TRIM2: variants seen among roughly 807,000 people sequenced by gnomAD.
The protein encoded by TRIM2 is tripartite motif-containing protein 2.
A neutral mutation model predicts 75.2 loss-of-function variants in TRIM2; 20 were observed. That is an observed-to-expected ratio of 0.27 (90% CI 0.19 to 0.39). The LOEUF is 0.39. TRIM2 is among the 10% of genes least tolerant of loss of function. TRIM2 has a pLI of 1.00. For synonymous variants in TRIM2, 373 were observed against 388.3 expected, an observed-to-expected ratio of 0.96 and a Z score of 0.46; for missense variants, 660 against 990.8, an observed-to-expected ratio of 0.67 and a Z score of 4.48.
At chr4:153,206,976 G>GCTCAAGCGATCCTCCAGATC in intron 1 of TRIM2, among the ~76,000 whole-genome samples, 1 of 152,076 alleles carries the variant, frequency 6.6e-6, no homozygotes, top group African/African-American at 2.4e-5. Context: ...GACCCCTTGG[G>GCTCAAGCGATCCTCCAGATC]CTCAAGCGAT....
intron 1 of TRIM2, among the ~76,000 whole-genome samples, chr4:153,256,328 G>A (rs1340270506): frequency 6.6e-6 from 1 of 152,176 alleles, no homozygotes; most frequent in Non-Finnish European, 1.5e-5. Context: ...CAGAGCTGAG[G>A]CCCCTTCAAG....
intron 4 of TRIM2, 29 bp from the exon 5 acceptor site, chr4:153,294,276 A>G (rs750331223): frequency 6.8e-6 from 11 of 1,606,476 alleles, no homozygotes; most frequent in Non-Finnish European, 9.4e-6. Context: ...GTTGAGGTTA[A>G]ATAACGACCT....
chr4:153,284,095 T>G (rs1760030150), intron 3 of TRIM2, among the ~76,000 whole-genome samples: 1 of 151,596 alleles, frequency 6.6e-6, no homozygotes, highest in South Asian at 2.1e-4. Context: ...GCCAGGCAGG[T>G]CTCAAACTCC....
intron 1 of TRIM2, chr4:153,257,643 T>A: frequency 1.6e-6 from 2 of 1,246,548 alleles, no homozygotes; most frequent in South Asian, 2.5e-5. Flanking sequence ...GCATGGTGCT[T>A]CCCAACTTGA....
intron 1 of TRIM2, among the ~76,000 whole-genome samples, chr4:153,259,831 G>A (rs1159742350): frequency 1.3e-5 from 2 of 152,130 alleles, no homozygotes; most frequent in Non-Finnish European, 2.9e-5. Flanking sequence ...CTTTAGATTG[G>A]ACCAGAAAGT....
At chr4:153,229,539 T>C (rs1210129771) in intron 1 of TRIM2, among the ~76,000 whole-genome samples, 1 of 152,236 alleles carries the variant, frequency 6.6e-6, no homozygotes, top group African/African-American at 2.4e-5. Flanking sequence ...ATTACAGGCA[T>C]GAGCCATCGC....
chr4:153,165,832 T>TC (rs1211533780), intron 1 of TRIM2, among the ~76,000 whole-genome samples: 1 of 152,224 alleles, frequency 6.6e-6, no homozygotes, highest in Admixed American at 6.5e-5. Context: ...ATTCTCATAT[T>TC]TCATGGTGAC....
intron 6 of TRIM2, among the ~76,000 whole-genome samples, chr4:153,298,314 C>G (rs1016388892): frequency 1.3e-5 from 2 of 152,194 alleles, no homozygotes; most frequent in Non-Finnish European, 2.9e-5. Context: ...TTTATTTTCT[C>G]ACAGTTCTGA....
At position 153,335,430 on chromosome 4, in the gene TRIM2, T is replaced by A; in HGVS notation, c.*464T>A. 1.0e-6 allele frequency: 1 copy of A among 985,544 alleles called. No individual in the cohort carries two copies. The highest frequency in any genetic ancestry group is 1.2e-6 in the Non-Finnish European group (1 of 829,974). The allele number at this position is 985,544 out of a possible 1,614,324, so 61.0% of individuals were successfully genotyped here. On this transcript the variant is annotated 3_prime_UTR_variant, in exon 12 of 12. Transcript: ENST00000338700. ...GAATCTTCTAACCTCACTTTTACAG[T>A]AGGTATTACTCTTGTGACATTTTTT...
chr4:153,240,470 C>G (rs910942760), intron 1 of TRIM2, among the ~76,000 whole-genome samples: 3 of 152,094 alleles, frequency 2.0e-5, no homozygotes, highest in African/African-American at 7.2e-5. Flanking sequence ...AAACAAAAAT[C>G]AAATAATGTT....
intron 11 of TRIM2, among the ~76,000 whole-genome samples, chr4:153,329,653 C>T (rs1185409568): frequency 6.6e-6 from 1 of 151,526 alleles, no homozygotes; most frequent in African/African-American, 2.4e-5. Context: ...TCGGCCAACA[C>T]GGTGTAACCC....
intron 1 of TRIM2, among the ~76,000 whole-genome samples, chr4:153,157,839 G>A (rs960133388): frequency 5.3e-5 from 8 of 152,168 alleles, no homozygotes; most frequent in African/African-American, 1.2e-4. Context: ...TTCTTCCTAC[G>A]TGCTCCTTTC....
intron 3 of TRIM2, among the ~76,000 whole-genome samples, chr4:153,278,689 GTT>G (rs1758557683): frequency 6.6e-6 from 1 of 151,736 alleles, no homozygotes; most frequent in Non-Finnish European, 1.5e-5. Context: ...AGTCCCAGCT[GTT>G]CAGAGGCTGA....
At chr4:153,300,339 G>A (rs1294680172) in intron 6 of TRIM2, among the ~76,000 whole-genome samples, 1 of 151,900 alleles carries the variant, frequency 6.6e-6, no homozygotes, top group Non-Finnish European at 1.5e-5. Flanking sequence ...CCCCAGGCTG[G>A]AGTACAATGG....
At chr4:153,195,140 A>G (rs780098922) in intron 1 of TRIM2, among the ~76,000 whole-genome samples, 30 of 152,200 alleles carry the variant, frequency 2.0e-4, no homozygotes, top group Non-Finnish European at 3.8e-4. Flanking sequence ...CTCATGAGAG[A>G]TAGAAAAGGA....
intron 1 of TRIM2, among the ~76,000 whole-genome samples, chr4:153,221,907 AAGGG>A (rs138079139): frequency 0.32 from 29,035 of 91,100 alleles, 3,574 homozygotes; most frequent in East Asian, 0.61. Context: ...GGGAGGAAGG[AAGGG>A]AGGGAGGGAG....
At chr4:153,264,241 T>A (rs916363889) in intron 1 of TRIM2, among the ~76,000 whole-genome samples, 9 of 152,306 alleles carry the variant, frequency 5.9e-5, no homozygotes, top group African/African-American at 1.9e-4. Flanking sequence ...TTGGCTAAGG[T>A]CAATATCAAA....
rs1002700339 is a variant in TRIM2 at position 153,264,855 on chromosome 4, GT to G, written c.31-5479del. Among the ~76,000 whole-genome samples the G allele has an allele frequency of 1.8e-4, 28 of 152,254 alleles. 1 individual carries two copies. The highest frequency in any genetic ancestry group is 5.1e-4 in the African/African-American group (21 of 41,550). Reference sequence around the variant, plus strand: ...TCTTTGGGGATTGGAAACCTTTTGTGTCGATTCTTGGAGTTCTAAAAATCCA... The same window carrying G: ...TCTTTGGGGATTGGAAACCTTTTGTGCGATTCTTGGAGTTCTAAAAATCCA... On this transcript the variant is annotated intron_variant, in intron 1 of 11. Transcript: ENST00000338700.
intron 1 of TRIM2, among the ~76,000 whole-genome samples, chr4:153,154,775 A>T (rs1457264166): frequency 6.6e-6 from 1 of 152,216 alleles, no homozygotes; most frequent in South Asian, 2.1e-4. Context: ...TTTATTTATC[A>T]GGTTATGGCC....
Sources: allele counts gnomAD v4.1 joint callset (sites outside exome capture counted in the v4.1 genomes callset), GRCh38; gene constraint gnomAD v4.1.1; transcripts MANE v1.5; gene names NCBI Gene and HGNC (gene_info 2026-07-23, HGNC 2026-07-21).